The following TDRD3 variants were observed in gnomAD, a reference collection of about 807,000 sequenced individuals.
TDRD3 encodes tudor domain containing 3, also known as tudor domain-containing protein 3.
TDRD3 carries 45 observed loss-of-function variants against 86.7 expected under a neutral mutation model. The observed-to-expected ratio is 0.52, with a 90% CI of 0.41 to 0.67. The LOEUF (loss-of-function observed/expected upper bound fraction) is 0.67. Among genes scored for constraint, TDRD3 ranks in the 30% least tolerant of loss-of-function variants. The pLI is 0.00. For synonymous variants in TDRD3, 298 were observed against 301.7 expected (o/e 0.99, Z 0.13); for missense variants, 814 against 889.0 (o/e 0.92, Z 1.07).
Position 60,496,346 on chromosome 13 carries a change from C to G in TDRD3, c.858+1771C>G, listed in dbSNP as rs1419758329. Reference sequence around the variant, plus strand: ...ATATATATATATATATATATATATCCTCTAAAGTTTTGTCCCTCTAAAGAA... The same window carrying G: ...ATATATATATATATATATATATATCGTCTAAAGTTTTGTCCCTCTAAAGAA... On this transcript the variant is annotated intron_variant, in intron 8 of 13. Coordinates refer to ENST00000377881, the MANE Select transcript of TDRD3 (RefSeq NM_001146070.2). 6.8e-5 allele frequency among the ~76,000 whole-genome samples: 6 copies of G among 87,884 alleles called. No individual in the cohort carries two copies. In the East Asian group the frequency reaches 2.7e-3, roughly 40 times the overall value. The allele number at this position is 87,884 out of a possible 152,430, so 57.7% of individuals were successfully genotyped here.
chr13:60,562,569 C>A (rs1022533293), intron 12 of TDRD3, among the ~76,000 whole-genome samples: 3 of 152,056 alleles, frequency 2.0e-5, no homozygotes, highest in African/African-American at 4.8e-5. Context: ...CAAAAGGTGG[C>A]TTGGAAATTC....
chr13:60,457,622 C>T (rs1955711403), intron 3 of TDRD3, among the ~76,000 whole-genome samples: 1 of 152,234 alleles, frequency 6.6e-6, no homozygotes, highest in African/African-American at 2.4e-5. Context: ...TCTGAGGCTG[C>T]TGTAACAAAT....
At chr13:60,569,010 T>A (rs1268717872) in intron 13 of TDRD3, among the ~76,000 whole-genome samples, 1 of 152,108 alleles carries the variant, frequency 6.6e-6, no homozygotes, top group African/African-American at 2.4e-5. Flanking sequence ...GCTCTGTCAC[T>A]CAGGCTGGAG....
chr13:60,472,111 C>A (rs1040000372), intron 5 of TDRD3, among the ~76,000 whole-genome samples: 2 of 152,086 alleles, frequency 1.3e-5, no homozygotes, highest in Non-Finnish European at 2.9e-5. Flanking sequence ...GCTTCCTCTG[C>A]GTCAATTGAG....
At chr13:60,509,718 C>G (rs757275129) in intron 8 of TDRD3, 45 bp from the exon 9 acceptor site, 2 of 1,610,924 alleles carry the variant, frequency 1.2e-6, no homozygotes, top group African/African-American at 2.7e-5. Flanking sequence ...TATGCCTTGC[C>G]TTATCTGTGG....
At chr13:60,540,672 A>G (rs1006973393) in intron 12 of TDRD3, among the ~76,000 whole-genome samples, 3 of 152,208 alleles carry the variant, frequency 2.0e-5, no homozygotes, top group African/African-American at 7.2e-5. Context: ...GACCATTTAA[A>G]TTAATACTAA....
At chr13:60,434,066 CT>C (rs1316243992) in intron 1 of TDRD3, 1 of 152,134 alleles carries the variant, frequency 6.6e-6, no homozygotes, top group Non-Finnish European at 1.5e-5. Context: ...CAAGTGACTT[CT>C]GAACACGACG....
chr13:60,417,275 C>A (rs1420099196), intron 1 of TDRD3, among the ~76,000 whole-genome samples: 1 of 151,918 alleles, frequency 6.6e-6, no homozygotes, highest in African/African-American at 2.4e-5. Flanking sequence ...CTCAGCCTCC[C>A]AAAGTGCTCG....
chr13:60,510,667 T>C lies in TDRD3; in HGVS notation c.1053T>C (p.Asp351=). 6.2e-7 allele frequency: 1 copy of C among 1,605,108 alleles called. No individual in the cohort carries two copies. The highest frequency in any genetic ancestry group is 2.2e-5 in the East Asian group (1 of 44,468). The change falls in exon 10 of 14, where the codon GAT becomes GAC. Residue 351 remains aspartate (D), a synonymous_variant. Coordinates refer to ENST00000377881, the MANE Select transcript of TDRD3 (RefSeq NM_001146070.2). ...GCAGGGGGCGAATAAGATCTGAAGA[T>C]GAAGAGGACCTGGGAAATGCAAGGC... The part of the protein sequence containing the change: ...GKGRGRIRSE[D]EEDLGNARPS...
chr13:60,553,802 T>C (rs769265000), intron 12 of TDRD3, among the ~76,000 whole-genome samples: 18 of 152,100 alleles, frequency 1.2e-4, no homozygotes, highest in Non-Finnish European at 2.2e-4. Context: ...TCCATTGACA[T>C]GTGGGGAATA....
intron 10 of TDRD3, 135 bp from the exon 11 acceptor site, chr13:60,528,232 A>G (rs1457494610): frequency 1.0e-6 from 1 of 992,814 alleles, no homozygotes; most frequent in Non-Finnish European, 1.4e-6. Context: ...GAGTAAGATA[A>G]TGAGGTAGGA....
At chr13:60,506,181 C>G (rs932484479) in intron 8 of TDRD3, among the ~76,000 whole-genome samples, 3 of 152,198 alleles carry the variant, frequency 2.0e-5, no homozygotes, top group African/African-American at 4.8e-5. Context: ...AATGGCACAT[C>G]TCTCTGCAGA....
chr13:60,399,636 T>G (rs74088724), intron 1 of TDRD3, among the ~76,000 whole-genome samples: 2,702 of 152,308 alleles, frequency 0.018, 80 homozygotes, highest in African/African-American at 0.062. Flanking sequence ...AGTTCTTATA[T>G]CCTGAGTTTG....
chr13:60,431,039 G>A (rs1206837831), intron 1 of TDRD3, among the ~76,000 whole-genome samples: 4 of 152,024 alleles, frequency 2.6e-5, no homozygotes, highest in Admixed American at 2.6e-4. Context: ...ATGTAGAAGA[G>A]ACGGGAAGAG....
At chr13:60,441,217 CTCT>C (rs1202911413) in intron 2 of TDRD3, among the ~76,000 whole-genome samples, 2 of 151,924 alleles carry the variant, frequency 1.3e-5, no homozygotes, top group African/African-American at 2.4e-5. Context: ...TTATAAAGGA[CTCT>C]TCTTGTTTAA....
chr13:60,497,154 G>A (rs574309351), intron 8 of TDRD3, among the ~76,000 whole-genome samples: 4 of 152,290 alleles, frequency 2.6e-5, no homozygotes, highest in African/African-American at 9.6e-5. Context: ...AGTCAACGGC[G>A]GGTCTGGGAC....
chr13:60,484,620 A>C, intron 6 of TDRD3: 1 of 431,276 alleles, frequency 2.3e-6, no homozygotes, highest in Non-Finnish European at 4.6e-6. Context: ...ACTCTCACTT[A>C]AATAAGTCAT....
At chr13:60,570,297 G>T (rs1269616009) in intron 13 of TDRD3, among the ~76,000 whole-genome samples, 2 of 152,056 alleles carry the variant, frequency 1.3e-5, no homozygotes, top group Non-Finnish European at 2.9e-5. Flanking sequence ...TGCCCAACAG[G>T]TATATGAAAA....
intron 13 of TDRD3, among the ~76,000 whole-genome samples, chr13:60,573,320 G>A (rs1213633725): frequency 1.3e-5 from 2 of 152,042 alleles, no homozygotes; most frequent in Non-Finnish European, 2.9e-5. Context: ...CAAACAGTTC[G>A]GTTAATCCAA....
Sources: gnomAD v4.1 joint callset for allele counts (sites outside exome capture counted in the v4.1 genomes callset) on GRCh38, gnomAD v4.1.1 for gene constraint, MANE v1.5 for transcripts, NCBI Gene and HGNC (gene_info 2026-07-23, HGNC 2026-07-21) for gene names.